GRAMD4: variants seen among roughly 807,000 people sequenced by gnomAD.
GRAMD4 encodes GRAM domain-containing protein 4.
GRAMD4 carries 25 observed loss-of-function variants against 83.9 expected under a neutral mutation model. That is an observed-to-expected ratio of 0.30 (90% CI 0.22 to 0.42). The LOEUF is 0.42. Ranked by LOEUF, GRAMD4 falls within the 10% of genes least tolerant of loss-of-function variation. The pLI, the probability that GRAMD4 is intolerant of heterozygous loss-of-function variation, is 1.00. For synonymous variants in GRAMD4, 336 were observed against 320.9 expected (o/e 1.05, Z -0.50); for missense variants, 593 against 788.7 (o/e 0.75, Z 2.97).
intron 2 of GRAMD4, among the ~76,000 whole-genome samples, chr22:46,633,570 C>T (rs1169942530): frequency 6.6e-6 from 1 of 152,194 alleles, no homozygotes; most frequent in Non-Finnish European, 1.5e-5. Context: ...CTCTGGCCGG[C>T]CCTGCTTTCT....
At position 46,626,620 on chromosome 22, in the gene GRAMD4, C is replaced by T. The variant is rs73469120; in HGVS notation, c.-49-131C>T. 3.8e-3 allele frequency: 2,017 copies of T among 526,638 alleles called. 78 individuals carry two copies. The African/African-American group carries it at 0.051, about 13-fold the overall frequency. The allele number at this position is 526,638 out of a possible 1,614,324, so 32.6% of individuals were successfully genotyped here. ...GGCTTGGAGGTGTGTGTGGGAGGGA[C>T]GGTGGCAGGGCGGGGTCTCTGGGTC... On this transcript the variant is annotated intron_variant, in intron 1 of 18. Coordinates refer to ENST00000406902, the MANE Select transcript of GRAMD4 (RefSeq NM_015124.5).
chr22:46,600,582 A>G (rs1239331582), intron 1 of GRAMD4, among the ~76,000 whole-genome samples: 1 of 152,172 alleles, frequency 6.6e-6, no homozygotes. Context: ...GGAAGCACAG[A>G]CAGTGCACAG....
At chr22:46,581,170 T>A (rs1394543297) in intron 1 of GRAMD4, among the ~76,000 whole-genome samples, 1 of 152,154 alleles carries the variant, frequency 6.6e-6, no homozygotes, top group Non-Finnish European at 1.5e-5. Flanking sequence ...AACCTAGGGT[T>A]GTGATTATGT....
rs1447055538 is a variant in GRAMD4 at position 46,673,694 on chromosome 22, T to C, written c.1264T>C (p.Tyr422His). 6.2e-7 allele frequency: 1 copy of C among 1,612,572 alleles called. No homozygotes were observed. The highest frequency in any genetic ancestry group is 2.2e-5 in the East Asian group (1 of 44,880). Residue 422 changes from tyrosine (Y) to histidine (H), a missense_variant, in exon 15 of 19, where the codon TAC (tyrosine) becomes CAC (histidine). Physicochemically the swap from Tyr to His is moderately conservative, Grantham distance 83 (BLOSUM62 2). Around this residue, in one of 4 missense-constraint regions of GRAMD4, gnomAD observed 171 missense variants for 199.6 expected, o/e 0.86. Transcript: ENST00000406902. ...RRLQTTSSRSYVPSAPAGLGK... is the reference protein window; with the variant it reads ...RRLQTTSSRSHVPSAPAGLGK... Reference sequence around the variant, plus strand: ...GCTGCAGACGACCTCGTCACGGAGCTACGTACCCAGCGCACCGGCCGGCCT... The same window carrying C: ...GCTGCAGACGACCTCGTCACGGAGCCACGTACCCAGCGCACCGGCCGGCCT...
At chr22:46,627,288 G>C (rs1319949639) in intron 2 of GRAMD4, among the ~76,000 whole-genome samples, 2 of 152,238 alleles carry the variant, frequency 1.3e-5, no homozygotes, top group East Asian at 3.9e-4. Context: ...TGCGGATGGA[G>C]CAGGGCGGGC....
At chr22:46,666,530 C>T (rs188294039) in intron 9 of GRAMD4, among the ~76,000 whole-genome samples, 70 of 150,326 alleles carry the variant, frequency 4.7e-4, no homozygotes, top group African/African-American at 1.6e-3. Context: ...AGCTTGGACA[C>T]TTGCTGATGC....
intron 1 of GRAMD4, among the ~76,000 whole-genome samples, chr22:46,599,481 G>A (rs1240269590): frequency 2.0e-5 from 3 of 151,994 alleles, no homozygotes; most frequent in African/African-American, 7.2e-5. Flanking sequence ...ACCATGCCCG[G>A]CTAATTTTTG....
intron 3 of GRAMD4, among the ~76,000 whole-genome samples, chr22:46,651,850 G>A (rs189446972): frequency 1.3e-5 from 2 of 152,202 alleles, no homozygotes; most frequent in Admixed American, 6.5e-5. Context: ...CTGGAGGTGG[G>A]GGGGAGAGAG....
Position 46,659,817 on chromosome 22 carries a change from A to G in GRAMD4, c.404+1510A>G, listed in dbSNP as rs1421529579. On this transcript the variant is annotated intron_variant, in intron 4 of 18. Coordinates refer to ENST00000406902, the MANE Select transcript of GRAMD4 (RefSeq NM_015124.5). The surrounding 1 kb of genome is among the most constrained non-coding windows in gnomAD (Gnocchi z 4.1). Reference sequence around the variant, plus strand: ...AACCTCCCAGACCAGAAATGGGTGCATGGGCCTCGGCAGGCGCTTTACCTG... The same window carrying G: ...AACCTCCCAGACCAGAAATGGGTGCGTGGGCCTCGGCAGGCGCTTTACCTG... Among the ~76,000 whole-genome samples, 2 of 152,210 alleles carry G rather than the reference A, an allele frequency of 1.3e-5. No individual in the cohort carries two copies. The highest frequency in any genetic ancestry group is 4.8e-5 in the African/African-American group (2 of 41,446).
chr22:46,664,258 T>C, intron 8 of GRAMD4, 141 bp downstream of exon 8: 1 of 680,510 alleles, frequency 1.5e-6, no homozygotes, highest in Non-Finnish European at 2.7e-6. Flanking sequence ...TCATTTCTCC[T>C]TCTGTAAAGT....
rs866885682 is a variant in GRAMD4, at chr22:46,606,798, C to G, written c.-49-19953C>G. Among the ~76,000 whole-genome samples the G allele has an allele frequency of 4.6e-5, 7 of 152,392 alleles. No individual in the cohort carries two copies. In the Middle Eastern group the frequency reaches 0.02, roughly 444 times the overall value. On this transcript the variant is annotated intron_variant, in intron 1 of 1. Coordinates refer to the GRAMD4 transcript ENST00000431155. Reference sequence around the variant, plus strand: ...ACGGGCACTCGGGTTATTTCCACCTCTTGGCTTGGGCGAATGGTGCTGCTG... The same window carrying G: ...ACGGGCACTCGGGTTATTTCCACCTGTTGGCTTGGGCGAATGGTGCTGCTG...
chr22:46,662,679 A>G (rs955251990), intron 5 of GRAMD4, among the ~76,000 whole-genome samples: 9 of 152,124 alleles, frequency 5.9e-5, no homozygotes, highest in Admixed American at 2.0e-4. Context: ...GGTTTGATGC[A>G]GACGTCTGAG....
In GRAMD4 at chr22:46,677,235, C is replaced by T; in HGVS notation, c.1721C>T (p.Ser574Phe). 6.2e-7 allele frequency: 1 copy of T among 1,613,166 alleles called. No homozygotes were observed. Among genetic ancestry groups the T allele is most frequent in the Non-Finnish European group, 8.5e-7 (1 of 1,179,706 alleles). Reference protein sequence around the residue: ...QYIKITSAAASGGDS With the variant: ...QYIKITSAAAFGGDS The stretch of plus-strand genomic sequence containing the variant: ...ATCAAGATCACCTCAGCGGCAGCGT[C>T]TGGCGGGGACAGCTAGTATTGACTT... Residue 574 changes from serine to phenylalanine, a missense_variant, in exon 19 of 19, where the codon TCT becomes TTT. By Grantham distance (155) the Ser-to-Phe change is radical. Around this residue, in one of 4 missense-constraint regions of GRAMD4, gnomAD observed 74 missense variants for 152.7 expected, o/e 0.48. Coordinates refer to ENST00000406902, the MANE Select transcript of GRAMD4 (RefSeq NM_015124.5).
At chr22:46,628,802 C>T (rs1318443152) in intron 2 of GRAMD4, among the ~76,000 whole-genome samples, 1 of 152,048 alleles carries the variant, frequency 6.6e-6, no homozygotes, top group Non-Finnish European at 1.5e-5. Context: ...GGGGGAGGGT[C>T]AGTGTCAGAG....
chr22:46,603,914 A>G (rs1043895814), intron 1 of GRAMD4, among the ~76,000 whole-genome samples: 2 of 152,122 alleles, frequency 1.3e-5, no homozygotes, highest in South Asian at 2.1e-4. Flanking sequence ...TTGCTACATG[A>G]ATGCTTTCCT....
At position 46,622,290 on chromosome 22, in the gene GRAMD4, G is replaced by A. The variant is rs2081586848; in HGVS notation, c.-50+1725G>A. 1.3e-5 allele frequency among the ~76,000 whole-genome samples: 2 copies of A among 152,184 alleles called. No individual in the cohort carries two copies. The highest frequency in any genetic ancestry group is 2.1e-4 in the South Asian group (1 of 4,828). ...CAAGCGTGTCCCCTGCTTTCCTTGG[G>A]TGGAGGCCAGCTCGGTGCCCTACAC... On this transcript the variant is annotated intron_variant, in intron 1 of 18. Coordinates refer to ENST00000406902, the MANE Select transcript of GRAMD4 (RefSeq NM_015124.5). This position sits in a 1 kb window ranked among gnomAD's most constrained non-coding sequence, Gnocchi z 4.0.
At chr22:46,636,837 C>T (rs1489375764) in intron 2 of GRAMD4, among the ~76,000 whole-genome samples, 1 of 152,242 alleles carries the variant, frequency 6.6e-6, no homozygotes, top group Non-Finnish European at 1.5e-5. Context: ...TGCCCAGTCC[C>T]TGGGCTCCAG....
intron 3 of GRAMD4, among the ~76,000 whole-genome samples, chr22:46,640,332 CAGG>C (rs975601637): frequency 1.1e-4 from 17 of 152,258 alleles, no homozygotes; most frequent in Non-Finnish European, 4.4e-5. Context: ...CGGGAAGCTT[CAGG>C]AGAAGAGGCG....
chr22:46,674,979 C>G (rs1310736964), intron 16 of GRAMD4, among the ~76,000 whole-genome samples: 1 of 152,216 alleles, frequency 6.6e-6, no homozygotes, highest in Non-Finnish European at 1.5e-5. Context: ...GGCGGGGATG[C>G]TGTCTTCTCT....
Sources: allele counts gnomAD v4.1 joint callset (sites outside exome capture counted in the v4.1 genomes callset), GRCh38; gene constraint gnomAD v4.1.1; regional missense constraint gnomAD v4.1.1; non-coding constraint Gnocchi (gnomAD v3.1); transcripts MANE v1.5; gene names NCBI Gene and HGNC (gene_info 2026-07-23, HGNC 2026-07-21).